The following EPHA6 variants were observed in gnomAD, a reference collection of about 807,000 sequenced individuals.
EPHA6 encodes the protein ephrin type-A receptor 6.
In EPHA6, 50 loss-of-function variants were observed where a neutral mutation model predicts 112.0. That is an observed-to-expected ratio of 0.45 (90% CI 0.36 to 0.56). The LOEUF (loss-of-function observed/expected upper bound fraction) is 0.56. Ranked by LOEUF, EPHA6 falls within the 20% of genes least tolerant of loss-of-function variation. EPHA6 has a pLI of 0.00. For synonymous variants in EPHA6, 529 were observed against 490.7 expected (o/e 1.08, Z -1.03); for missense variants, 1,280 against 1,417.4 (o/e 0.90, Z 1.56).
intron 3 of EPHA6, among the ~76,000 whole-genome samples, chr3:97,135,323 C>T (rs1180693627): frequency 3.3e-5 from 5 of 152,116 alleles, no homozygotes; most frequent in African/African-American, 1.2e-4. Flanking sequence ...GTTGAGCTTT[C>T]TAATTCTAGA....
At chr3:97,082,602 C>T (rs9853480) in intron 3 of EPHA6, among the ~76,000 whole-genome samples, 8 of 151,836 alleles carry the variant, frequency 5.3e-5, no homozygotes, top group African/African-American at 1.4e-4. Context: ...TTAATCAATT[C>T]GAGGGCAGTT....
rs969830048 is a variant in EPHA6, at chr3:97,681,585, T to A, written c.2785-38676T>A. ...AAGATCTCCCAAACATATTATTTAA[T>A]GAAAAAATTAAAAGCATATTGGAAA... On this transcript the variant is annotated intron_variant, in intron 14 of 17. Transcript: ENST00000389672. Among the ~76,000 whole-genome samples, 20 of 152,064 alleles carry A rather than the reference T, an allele frequency of 1.3e-4. 1 individual carries two copies. Among genetic ancestry groups the A allele is most frequent in the African/African-American group, 4.6e-4 (19 of 41,432 alleles).
intron 6 of EPHA6, among the ~76,000 whole-genome samples, chr3:97,426,809 T>A (rs2089159250): frequency 6.6e-6 from 1 of 152,166 alleles, no homozygotes; most frequent in Non-Finnish European, 1.5e-5. Flanking sequence ...AACAAAGGTC[T>A]AATATCTAGA....
intron 5 of EPHA6, among the ~76,000 whole-genome samples, chr3:97,384,274 T>C (rs1185525287): frequency 1.3e-5 from 2 of 152,196 alleles, no homozygotes; most frequent in Admixed American, 6.5e-5. Context: ...TTATTTCAAG[T>C]TCTTAGAAGA....
At chr3:97,587,721 A>C (rs1201130350) in intron 11 of EPHA6, among the ~76,000 whole-genome samples, 1 of 152,144 alleles carries the variant, frequency 6.6e-6, no homozygotes, top group Non-Finnish European at 1.5e-5. Flanking sequence ...GTTGGTGAAT[A>C]ACACATTTTA....
rs575581872 is a variant in EPHA6, at chr3:97,116,681, T to A, written c.1115-109583T>A. ...AGATAACAAGATTTCTTTCTTTTTT[T>A]TAGACTGAATATTTTTCCATTATGT... On this transcript the variant is annotated intron_variant, in intron 3 of 17. Transcript: ENST00000389672. Among the ~76,000 whole-genome samples the A allele has an allele frequency of 3.3e-5, 5 of 151,814 alleles. No homozygotes were observed. The East Asian group carries it at 9.7e-4, about 29-fold the overall frequency.
At chr3:97,046,052 A>G (rs1475675368) in intron 3 of EPHA6, among the ~76,000 whole-genome samples, 2 of 152,124 alleles carry the variant, frequency 1.3e-5, no homozygotes, top group African/African-American at 2.4e-5. Context: ...AAATTCCTCT[A>G]TTGATTAGAA....
At chr3:97,681,284 A>C (rs1288976180) in intron 14 of EPHA6, among the ~76,000 whole-genome samples, 2 of 152,154 alleles carry the variant, frequency 1.3e-5, no homozygotes, top group African/African-American at 4.8e-5. Context: ...GTAAGAATAT[A>C]AATTGATAAA....
intron 5 of EPHA6, among the ~76,000 whole-genome samples, chr3:97,305,000 T>TTCTA (rs1160523004): frequency 6.6e-6 from 1 of 151,900 alleles, no homozygotes; most frequent in Non-Finnish European, 1.5e-5. Context: ...TCTGACAAAG[T>TTCTA]TCTAATATTT....
chr3:96,838,450 C>T (rs1171841251), intron 1 of EPHA6, among the ~76,000 whole-genome samples: 8 of 151,970 alleles, frequency 5.3e-5, no homozygotes, highest in African/African-American at 1.7e-4. Flanking sequence ...GTATTTCTGC[C>T]TCTAGGTGTT....
chr3:97,566,543 A>G (rs988684719), intron 11 of EPHA6, among the ~76,000 whole-genome samples: 1 of 152,168 alleles, frequency 6.6e-6, no homozygotes, highest in Non-Finnish European at 1.5e-5. Context: ...CTTGAAGTCA[A>G]CTTTATGTAT....
intron 11 of EPHA6, among the ~76,000 whole-genome samples, chr3:97,534,642 G>C (rs2092738735): frequency 6.6e-6 from 1 of 151,924 alleles, no homozygotes; most frequent in South Asian, 2.1e-4. Context: ...ATAAAATTTG[G>C]AAAGAGCCAG....
At chr3:97,459,558 G>C (rs1187863017) in intron 7 of EPHA6, among the ~76,000 whole-genome samples, 1 of 152,076 alleles carries the variant, frequency 6.6e-6, no homozygotes, top group Non-Finnish European at 1.5e-5. Context: ...AAATTTCCTA[G>C]GTTTTTATTT....
At chr3:96,932,231 A>G (rs2040361658) in intron 2 of EPHA6, among the ~76,000 whole-genome samples, 1 of 152,138 alleles carries the variant, frequency 6.6e-6, no homozygotes, top group Admixed American at 6.5e-5. Context: ...GGTTAAAGGT[A>G]CTATATTCAT....
chr3:97,439,346 C>A (rs1303222697), intron 6 of EPHA6, among the ~76,000 whole-genome samples: 1 of 152,120 alleles, frequency 6.6e-6, no homozygotes, highest in Non-Finnish European at 1.5e-5. Flanking sequence ...ATAACTACTT[C>A]TACATTTTTC....
chr3:96,991,877 C>T lies in EPHA6; in HGVS notation c.1114+3884C>T, dbSNP rs541485009. 3.3e-5 allele frequency among the ~76,000 whole-genome samples: 5 copies of T among 152,182 alleles called. No homozygotes were observed. In the East Asian group the frequency reaches 7.7e-4, roughly 24 times the overall value. ...ATAATTGGAAAATTTTCTCCCATTC[C>T]GAAAGGCAGGGAACACAACAGTCAC... On this transcript the variant is annotated intron_variant, in intron 3 of 17. Transcript: ENST00000389672.
chr3:97,284,390 C>T (rs990677101), intron 5 of EPHA6, among the ~76,000 whole-genome samples: 1 of 152,100 alleles, frequency 6.6e-6, no homozygotes, highest in Non-Finnish European at 1.5e-5. Flanking sequence ...CCTCATTTCT[C>T]TTCCAATTTT....
chr3:97,703,934 G>A (rs528883619), intron 14 of EPHA6, among the ~76,000 whole-genome samples: 48 of 152,032 alleles, frequency 3.2e-4, no homozygotes, highest in Non-Finnish European at 6.3e-4. Context: ...ATATATATGT[G>A]AGAAAGCAAA....
At chr3:97,346,958 CTGA>C (rs1198605934) in intron 5 of EPHA6, among the ~76,000 whole-genome samples, 5 of 152,026 alleles carry the variant, frequency 3.3e-5, no homozygotes, top group Non-Finnish European at 7.4e-5. Flanking sequence ...GAAGGAGAGT[CTGA>C]TGATAACTTG....
Sources: gnomAD v4.1 joint callset for allele counts (sites outside exome capture counted in the v4.1 genomes callset) on GRCh38, gnomAD v4.1.1 for gene constraint, MANE v1.5 for transcripts, NCBI Gene and HGNC (gene_info 2026-07-23, HGNC 2026-07-21) for gene names.